RPE: variants seen among roughly 807,000 people sequenced by gnomAD.
The protein encoded by RPE is ribulose-phosphate 3-epimerase.
A neutral mutation model predicts 24.6 loss-of-function variants in RPE; 16 were observed. The observed-to-expected ratio is 0.65, with a 90% CI of 0.44 to 0.99. The LOEUF is 0.99. Among genes scored for constraint, RPE ranks in the 50% least tolerant of loss-of-function variants. The pLI, the probability that RPE is intolerant of heterozygous loss-of-function variation, is 0.00. For synonymous variants in RPE, 93 were observed against 98.4 expected (o/e 0.94, Z 0.33); for missense variants, 240 against 294.5 (o/e 0.81, Z 1.35).
chr2:210,017,429 ATAC>A, intron 4 of RPE, 41 bp from the exon 5 acceptor site: 1 of 989,884 alleles, frequency 1.0e-6, no homozygotes, highest in Non-Finnish European at 1.5e-6. Flanking sequence ...CCCCACCAAC[ATAC>A]CCACTTTAGG....
intron 5 of RPE, chr2:210,018,062 A>T: frequency 3.7e-6 from 5 of 1,346,240 alleles, no homozygotes; most frequent in Non-Finnish European, 5.0e-6. Context: ...GGATATTCTA[A>T]AATCACATAA....
At chr2:210,010,035 CT>C (rs1302149164) in intron 2 of RPE, among the ~76,000 whole-genome samples, 2 of 152,188 alleles carry the variant, frequency 1.3e-5, no homozygotes, top group Non-Finnish European at 2.9e-5. Context: ...ATCCAATTAT[CT>C]TATCACCTGT....
chr2:210,019,875 A>G lies in RPE; in HGVS notation c.*84A>G, dbSNP rs967644140. On this transcript the variant is annotated 3_prime_UTR_variant, in exon 6 of 6. Coordinates refer to ENST00000359429, the MANE Select transcript of RPE (RefSeq NM_199229.3). ...ATATTGACTACCAAATCACAATGCA[A>G]TTGAAGCCGTACTGCTTTTTTGAGC... 3.1e-5 allele frequency: 47 copies of G among 1,496,424 alleles called. No individual in the cohort carries two copies. The highest frequency in any genetic ancestry group is 1.9e-4 in the Middle Eastern group (1 of 5,194). 92.7% of individuals were successfully genotyped at this position (1,496,424 alleles called of 1,614,324 possible).
At chr2:210,017,328 G>T in intron 4 of RPE, 145 bp from the exon 5 acceptor site, 1 of 650,300 alleles carries the variant, frequency 1.5e-6, no homozygotes, top group Admixed American at 2.8e-5. Context: ...GTAATATGTT[G>T]TATTGGTATA....
chr2:210,021,115 A>G lies in RPE; in HGVS notation c.*1324A>G, dbSNP rs1453727308. 6.6e-6 allele frequency: 1 copy of G among 152,120 alleles called. No individual in the cohort carries two copies. The highest frequency in any genetic ancestry group is 1.5e-5 in the Non-Finnish European group (1 of 67,972). 9.4% of individuals were successfully genotyped at this position (152,120 alleles called of 1,614,324 possible). On this transcript the variant is annotated 3_prime_UTR_variant, in exon 6 of 6. Coordinates refer to ENST00000359429, the MANE Select transcript of RPE (RefSeq NM_199229.3). ...GAGTCAATCCATAAACTAAATATTT[A>G]TAACTGTTCTGAATTATACAGAGTC...
chr2:210,011,831 A>AT (rs56083964), intron 2 of RPE, among the ~76,000 whole-genome samples: 14 of 106,690 alleles, frequency 1.3e-4, no homozygotes, highest in African/African-American at 4.6e-4. Flanking sequence ...ACAACCGGCT[A>AT]TTTTTTTTTT....
intron 2 of RPE, among the ~76,000 whole-genome samples, chr2:210,010,535 A>G (rs1207287535): frequency 6.6e-6 from 1 of 152,136 alleles, no homozygotes; most frequent in Non-Finnish European, 1.5e-5. Context: ...AAGTGCTAGG[A>G]TTACAGGCTT....
chr2:210,011,664 TTTG>T (rs530211928), intron 2 of RPE, among the ~76,000 whole-genome samples: 21 of 151,994 alleles, frequency 1.4e-4, no homozygotes, highest in Admixed American at 7.2e-4. Flanking sequence ...TTTTTCGCTT[TTTG>T]TTGTTGTTGT....
intron 5 of RPE, 106 bp downstream of exon 5, chr2:210,017,665 T>C (rs2093792923): frequency 9.5e-7 from 1 of 1,052,998 alleles, no homozygotes; most frequent in African/African-American, 1.6e-5. Flanking sequence ...AAGTTGACTT[T>C]CTTTCTTGGA....
In RPE at chr2:210,018,962, C is replaced by G. The variant is rs1267878671; in HGVS notation, c.565-707C>G. Among the ~76,000 whole-genome samples, 5 of 152,156 alleles carry G rather than the reference C, an allele frequency of 3.3e-5. 1 individual carries two copies. In the South Asian group the frequency reaches 8.3e-4, roughly 25 times the overall value. On this transcript the variant is annotated intron_variant, in intron 5 of 5. Transcript: ENST00000359429. ...GAAAAATTTTCCTCAGCCTGTGGTT[C>G]TCCCACTTCTCCCTCTTTGTTCTAG...
In RPE at chr2:210,002,642, T is replaced by C. The variant is rs760519913; in HGVS notation, c.-20T>C. On this transcript the variant is annotated 5_prime_UTR_variant, in exon 1 of 6. Transcript: ENST00000359429. ...CCTTGCCGGGGACTCGTGGGTAACTTGCTTTTGGGAGCCAGCGGTATGGCG... is the reference window on the plus strand; with the variant it reads ...CCTTGCCGGGGACTCGTGGGTAACTCGCTTTTGGGAGCCAGCGGTATGGCG... The C allele has an allele frequency of 8.1e-6, 13 of 1,609,950 alleles. No individual in the cohort carries two copies. In the East Asian group the frequency reaches 2.5e-4, roughly 30 times the overall value.
chr2:210,002,785 T>G lies in RPE; in HGVS notation c.122+2T>G, dbSNP rs1575285195. The G allele has an allele frequency of 6.2e-7, 1 of 1,613,912 alleles. No homozygotes were observed. The highest frequency in any genetic ancestry group is 8.5e-7 in the Non-Finnish European group (1 of 1,179,982). ...TCTGCACCTGGACGTAATGGACGGGTAACTCCTCCGGGCTCCGGTCGGGCT... is the reference window on the plus strand; with the variant it reads ...TCTGCACCTGGACGTAATGGACGGGGAACTCCTCCGGGCTCCGGTCGGGCT... On this transcript the variant is annotated splice_donor_variant, in intron 1 of 5. Coordinates refer to ENST00000359429, the MANE Select transcript of RPE (RefSeq NM_199229.3). LOFTEE classifies it high-confidence loss of function.
chr2:210,014,423 TTGTTTATGA>T (rs1279814433), intron 2 of RPE, among the ~76,000 whole-genome samples: 1 of 152,186 alleles, frequency 6.6e-6, no homozygotes, highest in Non-Finnish European at 1.5e-5. Flanking sequence ...TGAATTTTCC[TTGTTTATGA>T]TGCAAAGAAT....
In RPE at chr2:210,016,176, C is replaced by G. The variant is rs376773313; in HGVS notation, c.342+64C>G. 6.8e-6 allele frequency: 11 copies of G among 1,613,548 alleles called. No individual in the cohort carries two copies. In the African/African-American group the frequency reaches 1.5e-4, roughly 22 times the overall value. On this transcript the variant is annotated intron_variant, in intron 3 of 5. Coordinates refer to ENST00000359429, the MANE Select transcript of RPE (RefSeq NM_199229.3). The stretch of plus-strand genomic sequence containing the variant: ...CTCAGTTGGGAAGATTTGCGGGAAA[C>G]AGGAAATTTTCTCTTTTTTTGATAC...
At position 210,002,655 on chromosome 2, in the gene RPE, C is replaced by T; in HGVS notation, c.-7C>T. The T allele has an allele frequency of 3.7e-6, 6 of 1,611,672 alleles. No homozygotes were observed. The highest frequency in any genetic ancestry group is 1.3e-5 in the African/African-American group (1 of 74,992). On this transcript the variant is annotated 5_prime_UTR_variant, in exon 1 of 6. Transcript: ENST00000359429. ...TCGTGGGTAACTTGCTTTTGGGAGC[C>T]AGCGGTATGGCGTCGGGCTGCAAGA...
Position 210,019,786 on chromosome 2 carries a change from C to G in RPE, c.682C>G (p.Arg228Gly). The G allele has an allele frequency of 6.2e-7, 1 of 1,611,948 alleles. No individual in the cohort carries two copies. Among genetic ancestry groups the G allele is most frequent in the Non-Finnish European group, 8.5e-7 (1 of 1,178,696 alleles). Residue 228 changes from arginine (R) to glycine (G), a missense_variant, in exon 6 of 6, where the codon CGG becomes GGG. Physicochemically the swap from Arg to Gly is moderately radical, Grantham distance 125. Coordinates refer to ENST00000359429, the MANE Select transcript of RPE (RefSeq NM_199229.3). Reference sequence around the variant, plus strand: ...AGCTGCTCAGAAACGTTCTCTTGATCGGTGAAACCATAAGGAGCCCAGTGT... The same window carrying G: ...AGCTGCTCAGAAACGTTCTCTTGATGGGTGAAACCATAAGGAGCCCAGTGT... ...SEAAQKRSLD[R>G]
chr2:210,018,059 C>G, intron 5 of RPE: 1 of 1,335,042 alleles, frequency 7.5e-7, no homozygotes, highest in Non-Finnish European at 1.0e-6. Flanking sequence ...AGTGGATATT[C>G]TAAAATCACA....
chr2:210,019,270 A>T (rs1329296810), intron 5 of RPE, among the ~76,000 whole-genome samples: 3 of 152,196 alleles, frequency 2.0e-5, no homozygotes, highest in African/African-American at 7.2e-5. Context: ...TTTCACACTC[A>T]CAAATTCATA....
intron 5 of RPE, chr2:210,017,823 C>T: frequency 1.7e-6 from 1 of 581,068 alleles, no homozygotes; most frequent in Non-Finnish European, 3.1e-6. Context: ...CTGCTCACTG[C>T]AATCTCTGCC....
Sources: allele counts gnomAD v4.1 joint callset (sites outside exome capture counted in the v4.1 genomes callset), GRCh38; gene constraint gnomAD v4.1.1; transcripts MANE v1.5; gene names NCBI Gene and HGNC (gene_info 2026-07-23, HGNC 2026-07-21).